Variants in NPRL3 observed in about 807,000 individuals in gnomAD.
NPRL3 encodes NPR3 like, GATOR1 complex subunit.
A neutral mutation model predicts 57.2 loss-of-function variants in NPRL3; 23 were observed. That is an observed-to-expected ratio of 0.40 (90% CI 0.29 to 0.57). The LOEUF is 0.57. Ranked by LOEUF, NPRL3 falls within the 20% of genes least tolerant of loss-of-function variation. NPRL3 has a pLI of 0.42. For synonymous variants in NPRL3, 333 were observed against 321.1 expected (o/e 1.04, Z -0.39); for missense variants, 691 against 767.1 (o/e 0.90, Z 1.17).
intron 2 of NPRL3, among the ~76,000 whole-genome samples, chr16:131,478 C>CA (rs35711713): frequency 0.55 from 53,726 of 98,328 alleles, 13,669 homozygotes; most frequent in Middle Eastern, 0.68. Context: ...GACTCCGTCT[C>CA]AAAAAAAAAA....
intron 9 of NPRL3, among the ~76,000 whole-genome samples, chr16:95,386 A>T (rs1023283067): frequency 1.6e-5 from 2 of 122,142 alleles, no homozygotes; most frequent in African/African-American, 6.2e-5. Flanking sequence ...CACACACACA[A>T]TAAAATGTAT....
chr16:89,122 G>C (rs552562415), intron 12 of NPRL3: 3 of 561,540 alleles, frequency 5.3e-6, no homozygotes, highest in Admixed American at 6.0e-5. Context: ...CAAGGGACCT[G>C]AACAGAGGTG....
At position 96,929 on chromosome 16, in the gene NPRL3, G is replaced by A. The variant is rs186612527; in HGVS notation, c.924+1216C>T. On this transcript the variant is annotated intron_variant, in intron 9 of 13. Coordinates refer to ENST00000611875, the MANE Select transcript of NPRL3 (RefSeq NM_001077350.3). ...GCTTTCGGGGAAAAGTGGCCTGAGA[G>A]TCAGGCCTTGTTGGACAAGTTCCCC... is the stretch of plus-strand genomic sequence containing the variant. 1.8e-4 allele frequency among the ~76,000 whole-genome samples: 27 copies of A among 149,150 alleles called. 1 individual carries two copies. In the East Asian group the frequency reaches 5.1e-3, roughly 28 times the overall value.
Position 86,364 on chromosome 16 carries a change from A to C in NPRL3, c.*341T>G, listed in dbSNP as rs1898469228. On this transcript the variant is annotated 3_prime_UTR_variant, in exon 14 of 14. Coordinates refer to ENST00000611875, the MANE Select transcript of NPRL3 (RefSeq NM_001077350.3). ...AAGGAGCAGGTGTAGGGACAGAAGGAGGGTCTGAGAAACGCACAGCCCACA... is the reference window on the plus strand; with the variant it reads ...AAGGAGCAGGTGTAGGGACAGAAGGCGGGTCTGAGAAACGCACAGCCCACA... The C allele has an allele frequency of 3.6e-6, 1 of 275,160 alleles. No homozygotes were observed. Among genetic ancestry groups the C allele is most frequent in the African/African-American group, 2.1e-5 (1 of 46,730 alleles). The allele number at this position is 275,160 out of a possible 1,614,324, so 17.0% of individuals were successfully genotyped here.
At chr16:137,016 T>C (rs1380388475) in intron 2 of NPRL3, among the ~76,000 whole-genome samples, 4 of 141,316 alleles carry the variant, frequency 2.8e-5, no homozygotes, top group Non-Finnish European at 6.0e-5. Context: ...GAGATCAGCC[T>C]GGCCAACATG....
In NPRL3 at chr16:85,968, A is replaced by G; in HGVS notation, c.*737T>C. On this transcript the variant is annotated 3_prime_UTR_variant, in exon 14 of 14. Transcript: ENST00000611875. Reference sequence around the variant, plus strand: ...CAGGCCCGGTGTGGATGCTGGGGAGAATCATCAGTGTGGGAGCCGAAAGCC... The same window carrying G: ...CAGGCCCGGTGTGGATGCTGGGGAGGATCATCAGTGTGGGAGCCGAAAGCC... The G allele has an allele frequency of 1.5e-6, 1 of 656,464 alleles. No homozygotes were observed. The highest frequency in any genetic ancestry group is 5.1e-5 in the South Asian group (1 of 19,498). The allele number at this position is 656,464 out of a possible 1,614,324, so 40.7% of individuals were successfully genotyped here.
Position 111,946 on chromosome 16 carries a change from C to A in NPRL3, c.547+676G>T, listed in dbSNP as rs919245481. On this transcript the variant is annotated intron_variant, in intron 6 of 13. Transcript: ENST00000611875. ...GATGGAGAGTTTGTTACAGGTGTCT[C>A]TTTATGTTTTGAAATCTTTACAGTA... Among the ~76,000 whole-genome samples the A allele has an allele frequency of 3.3e-5, 5 of 152,282 alleles. No individual in the cohort carries two copies. The South Asian group carries it at 6.2e-4, about 19-fold the overall frequency.
chr16:95,331 A>G (rs1003880099), intron 9 of NPRL3, among the ~76,000 whole-genome samples: 3 of 44,066 alleles, frequency 6.8e-5, no homozygotes, highest in Admixed American at 6.3e-4. Flanking sequence ...GTGTGTATAT[A>G]TATATATATA....
At chr16:87,664 C>T (rs1898549057) in intron 13 of NPRL3, among the ~76,000 whole-genome samples, 1 of 151,834 alleles carries the variant, frequency 6.6e-6, no homozygotes, top group Non-Finnish European at 1.5e-5. Flanking sequence ...CCGCCTCCCG[C>T]CTTCAGGCCA....
At chr16:96,814 A>G (rs981001368) in intron 9 of NPRL3, among the ~76,000 whole-genome samples, 1 of 152,136 alleles carries the variant, frequency 6.6e-6, no homozygotes, top group African/African-American at 2.4e-5. Context: ...CAAGGGCACA[A>G]TTTGGTAAGT....
rs528319193 is a variant in NPRL3, at chr16:127,872, G to A, written c.188+2650C>T. Among the ~76,000 whole-genome samples, 188 of 143,908 alleles carry A rather than the reference G, an allele frequency of 1.3e-3. 1 individual carries two copies. Among genetic ancestry groups the A allele is most frequent in the African/African-American group, 5.2e-3 (179 of 34,518 alleles). 94.4% of individuals were successfully genotyped at this position (143,908 alleles called of 152,430 possible). A position where few individuals can be genotyped will look rare whatever the true frequency, so the allele number is the denominator to read the frequency against. On this transcript the variant is annotated intron_variant, in intron 3 of 13. Transcript: ENST00000611875. ...GGTTTCACCGTGTTAGCCAGGATGAGTCTCGATCTCCTGACCTCATGATCC... is the reference window on the plus strand; with the variant it reads ...GGTTTCACCGTGTTAGCCAGGATGAATCTCGATCTCCTGACCTCATGATCC...
At chr16:132,840 T>C in intron 2 of NPRL3, among the ~76,000 whole-genome samples, 1 of 152,084 alleles carries the variant, frequency 6.6e-6, no homozygotes, top group Non-Finnish European at 1.5e-5. Flanking sequence ...CGGCTAATTT[T>C]TTGTATTTTT....
At chr16:113,640 G>A (rs1345460646) in intron 5 of NPRL3, among the ~76,000 whole-genome samples, 1 of 152,196 alleles carries the variant, frequency 6.6e-6, no homozygotes, top group East Asian at 1.9e-4. Context: ...TGCTTCTGGA[G>A]GCCAACAGGA....
intron 9 of NPRL3, among the ~76,000 whole-genome samples, chr16:95,990 CACCAGCAGCAACGCCCTGCTG>C (rs1898988938): frequency 6.6e-6 from 1 of 152,214 alleles, no homozygotes; most frequent in Non-Finnish European, 1.5e-5. Flanking sequence ...CGCACCGCCA[CACCAGCAGCAACGCCCTGCTG>C]ACCTGCAGCA....
At chr16:87,946 C>T (rs1898571141) in intron 13 of NPRL3, among the ~76,000 whole-genome samples, 1 of 151,178 alleles carries the variant, frequency 6.6e-6, no homozygotes, top group Non-Finnish European at 1.5e-5. Flanking sequence ...CTCAGGCTGG[C>T]ACAGAGGAGG....
At position 136,305 on chromosome 16, in the gene NPRL3, T is replaced by C. The variant is rs1901073915; in HGVS notation, c.118+1845A>G. Among the ~76,000 whole-genome samples the C allele has an allele frequency of 2.0e-5, 3 of 152,382 alleles. No homozygotes were observed. In the South Asian group the frequency reaches 6.2e-4, roughly 32 times the overall value. On this transcript the variant is annotated intron_variant, in intron 2 of 13. Coordinates refer to ENST00000611875, the MANE Select transcript of NPRL3 (RefSeq NM_001077350.3). ...AAGGACAAGGGTGCTCGACAGGTTC[T>C]GATCTACATCAAAGATGCAGACATG...
In NPRL3 at chr16:138,399, TGAG is replaced by T. The variant is rs566961160; in HGVS notation, c.-67-68_-67-66del. Reference sequence around the variant, plus strand: ...GGACGAGGCGGGGACGCAGGGGGCCTGAGGAGGGCAGGGGTGGAGGCGGAGGGG... The same window carrying T: ...GGACGAGGCGGGGACGCAGGGGGCCTGAGGGCAGGGGTGGAGGCGGAGGGG... On this transcript the variant is annotated intron_variant, in intron 1 of 13. Coordinates refer to ENST00000611875, the MANE Select transcript of NPRL3 (RefSeq NM_001077350.3). 9.3e-3 allele frequency: 4,788 copies of T among 515,028 alleles called. 496 individuals are homozygous for T. The African/African-American group carries it at 0.13, about 14-fold the overall frequency. 31.9% of individuals were successfully genotyped at this position (515,028 alleles called of 1,614,324 possible). A position where few individuals can be genotyped will look rare whatever the true frequency, so the allele number is the denominator to read the frequency against.
rs563513865 is a variant in NPRL3, at chr16:138,283, G to C, written c.-16C>G. On this transcript the variant is annotated 5_prime_UTR_variant, in exon 2 of 14. Transcript: ENST00000611875. ...TGTCCCGCATCCCGCCGTGGGGCCG[G>C]GGCCGGGGGCGGAGGGGGCCAGAGG... 1 of 1,581,400 alleles carries C rather than the reference G, an allele frequency of 6.3e-7. No individual in the cohort carries two copies. The highest frequency in any genetic ancestry group is 8.6e-7 in the Non-Finnish European group (1 of 1,164,890).
intron 3 of NPRL3, among the ~76,000 whole-genome samples, chr16:119,715 C>T (rs749119069): frequency 6.6e-6 from 1 of 152,222 alleles, no homozygotes; most frequent in African/African-American, 2.4e-5. Flanking sequence ...CAAAGAGCCG[C>T]GTGGAGGGCA....
Sources: gnomAD v4.1 joint callset for allele counts (sites outside exome capture counted in the v4.1 genomes callset) on GRCh38, gnomAD v4.1.1 for gene constraint, MANE v1.5 for transcripts, NCBI Gene and HGNC (gene_info 2026-07-23, HGNC 2026-07-21) for gene names.